Variants in HTR2C observed in about 807,000 individuals in gnomAD.
HTR2C encodes 5-hydroxytryptamine receptor 2C, also known as 5-hydroxytryptamine (serotonin) receptor 2C, G protein-coupled.
A neutral mutation model predicts 21.0 loss-of-function variants in HTR2C; 5 were observed. The ratio of observed to expected loss-of-function variants is 0.24; its 90% CI spans 0.12 to 0.50. The LOEUF (loss-of-function observed/expected upper bound fraction) is 0.50, where lower values mean the gene tolerates loss of function less well. Ranked by LOEUF, HTR2C falls within the 20% of genes least tolerant of loss-of-function variation. HTR2C has a pLI of 0.98. For synonymous variants in HTR2C, 150 were observed against 145.3 expected (o/e 1.03, Z -0.23); for missense variants, 271 against 371.2 (o/e 0.73, Z 2.22).
In HTR2C at chrX:114,771,107, C is replaced by T. The variant is rs1385097729; in HGVS notation, c.349+39500C>T. ...GTGAACCACCATGCCTGGCATACTT[C>T]CCTGTTTATTTGTATGTCTTACAAT... On this transcript the variant is annotated intron_variant, in intron 4 of 5. Coordinates refer to ENST00000276198, the MANE Select transcript of HTR2C (RefSeq NM_000868.4). Among the ~76,000 whole-genome samples the T allele has an allele frequency of 5.4e-5, 6 of 111,201 alleles. No homozygotes were observed. The Admixed American group carries it at 5.8e-4, about 11-fold the overall frequency.
At chrX:114,783,661 T>C (rs2070142617) in intron 4 of HTR2C, among the ~76,000 whole-genome samples, 1 of 111,407 alleles carries the variant, frequency 9.0e-6, no homozygotes, top group Admixed American at 9.5e-5. Flanking sequence ...ACAGGGAACA[T>C]TGACAAAAGT....
chrX:114,735,083 T>G (rs2069577481), intron 4 of HTR2C, among the ~76,000 whole-genome samples: 1 of 110,882 alleles, frequency 9.0e-6, no homozygotes, highest in Non-Finnish European at 1.9e-5. Flanking sequence ...GGCGGGCGGA[T>G]CACTTGTGGT....
intron 5 of HTR2C, among the ~76,000 whole-genome samples, chrX:114,852,834 T>TG (rs1556469680): frequency 6.4e-5 from 7 of 109,325 alleles, no homozygotes; most frequent in Non-Finnish European, 1.1e-4. Flanking sequence ...GTCTTGTGTG[T>TG]TTGTGTGCGC....
intron 4 of HTR2C, among the ~76,000 whole-genome samples, chrX:114,748,407 C>T (rs1556426769): frequency 9.0e-6 from 1 of 111,274 alleles, no homozygotes; most frequent in African/African-American, 3.3e-5. Flanking sequence ...AATCAAAAAG[C>T]TGATCCTAAA....
At chrX:114,725,522 A>G (rs1933423243) in intron 2 of HTR2C, among the ~76,000 whole-genome samples, 1 of 112,228 alleles carries the variant, frequency 8.9e-6, no homozygotes, top group Non-Finnish European at 1.9e-5. Context: ...AGCTCGTCAA[A>G]GTCATTCTCC....
At chrX:114,836,699 G>A (rs782371935) in intron 4 of HTR2C, among the ~76,000 whole-genome samples, 1 of 112,227 alleles carries the variant, frequency 8.9e-6, no homozygotes, top group East Asian at 2.8e-4. Context: ...GTAGACCAGA[G>A]CTGTTCCTAT....
At chrX:114,640,695 A>C (rs936599613) in intron 2 of HTR2C, among the ~76,000 whole-genome samples, 1 of 112,262 alleles carries the variant, frequency 8.9e-6, no homozygotes, top group African/African-American at 3.2e-5. Flanking sequence ...TACTAAATAC[A>C]GGGCACTATG....
At chrX:114,715,336 C>T in intron 2 of HTR2C, 1 of 382,908 alleles carries the variant, frequency 2.6e-6, no homozygotes, top group East Asian at 7.5e-5. Flanking sequence ...TTTCACTTTT[C>T]ATGACTCAGC....
intron 2 of HTR2C, among the ~76,000 whole-genome samples, chrX:114,703,454 A>G (rs1556417329): frequency 9.0e-6 from 1 of 111,261 alleles, no homozygotes. Flanking sequence ...CTGCTCCTGA[A>G]TGACTACTGG....
At chrX:114,806,316 C>CATATATACACCAT (rs1208776091) in intron 4 of HTR2C, among the ~76,000 whole-genome samples, 5 of 93,401 alleles carry the variant, frequency 5.4e-5, no homozygotes, top group African/African-American at 2.0e-4. Flanking sequence ...ATATACACTA[C>CATATATACACCAT]ATATATACAC....
rs1556487669 is a variant in HTR2C, at chrX:114,908,161, C to T, written c.*746C>T. On this transcript the variant is annotated 3_prime_UTR_variant, in exon 6 of 6. Coordinates refer to ENST00000276198, the MANE Select transcript of HTR2C (RefSeq NM_000868.4). ...GACAGTGTTCAAATTCTGATTATTA[C>T]AACAAGCAAACTGAAATTAGTGTTT... 8.9e-6 allele frequency: 1 copy of T among 112,314 alleles called. No individual in the cohort carries two copies. Among genetic ancestry groups the T allele is most frequent in the Non-Finnish European group, 1.9e-5 (1 of 53,168 alleles). The allele number at this position is 112,314 out of a possible 1,213,427, so 9.3% of individuals were successfully genotyped here.
intron 4 of HTR2C, among the ~76,000 whole-genome samples, chrX:114,793,556 C>A (rs1176160121): frequency 1.8e-5 from 2 of 111,373 alleles, no homozygotes; most frequent in Non-Finnish European, 3.8e-5. Flanking sequence ...GCTGTATTAT[C>A]CTATTCCCAC....
chrX:114,889,252 G>A (rs2071242068), intron 5 of HTR2C, among the ~76,000 whole-genome samples: 1 of 112,010 alleles, frequency 8.9e-6, no homozygotes, highest in Non-Finnish European at 1.9e-5. Context: ...ATTGGACAGA[G>A]ATTACCTTAA....
At chrX:114,632,183 C>G (rs782253430) in intron 2 of HTR2C, among the ~76,000 whole-genome samples, 1 of 112,033 alleles carries the variant, frequency 8.9e-6, no homozygotes, top group African/African-American at 3.2e-5. Flanking sequence ...AGGATGAAAA[C>G]TCATTTAAAA....
chrX:114,670,482 C>T (rs1332457786), intron 2 of HTR2C, among the ~76,000 whole-genome samples: 4 of 109,875 alleles, frequency 3.6e-5, no homozygotes, highest in African/African-American at 6.6e-5. Flanking sequence ...CTCAGAAAAT[C>T]GTCTTTTATG....
chrX:114,633,677 T>C (rs191368154), intron 2 of HTR2C, among the ~76,000 whole-genome samples: 291 of 111,198 alleles, frequency 2.6e-3, no homozygotes, highest in African/African-American at 8.8e-3. Context: ...TCTTTTGATA[T>C]CATGAAAATT....
intron 5 of HTR2C, among the ~76,000 whole-genome samples, chrX:114,904,404 T>C (rs1278107679): frequency 4.5e-5 from 5 of 111,598 alleles, no homozygotes; most frequent in Non-Finnish European, 9.4e-5. Flanking sequence ...AACATCATAA[T>C]ACTTCATCTG....
intron 2 of HTR2C, among the ~76,000 whole-genome samples, chrX:114,670,246 T>A (rs1931325063): frequency 9.1e-6 from 1 of 110,436 alleles, no homozygotes; most frequent in Admixed American, 9.7e-5. Context: ...TACAAAAAAA[T>A]TAGCTGGGTG....
At chrX:114,805,021 G>A (rs955960572) in intron 4 of HTR2C, among the ~76,000 whole-genome samples, 7 of 111,551 alleles carry the variant, frequency 6.3e-5, no homozygotes, top group Middle Eastern at 4.3e-3. Flanking sequence ...TCCTGGGAAC[G>A]AAATATAAAA....
Sources: gnomAD v4.1 joint callset for allele counts (sites outside exome capture counted in the v4.1 genomes callset) on GRCh38, gnomAD v4.1.1 for gene constraint, MANE v1.5 for transcripts, NCBI Gene and HGNC (gene_info 2026-07-23, HGNC 2026-07-21) for gene names.